The following SPRR2G variants were observed in gnomAD, a reference collection of about 807,000 sequenced individuals.
The protein encoded by SPRR2G is small proline-rich protein 2G.
SPRR2G carries 1 observed loss-of-function variant against 0.7 expected under a neutral mutation model. The observed-to-expected ratio is 1.49, with a 90% confidence interval of 0.53 to 7.06. The LOEUF (loss-of-function observed/expected upper bound fraction) is 7.06, where lower values mean the gene tolerates loss of function less well. Among genes scored for constraint, SPRR2G ranks in the 30% most tolerant of loss-of-function variants. The probability of loss-of-function intolerance (pLI) is 0.14; values close to 1 mark genes in which losing one functional copy is unlikely to be tolerated. For synonymous variants in SPRR2G, 38 were observed against 33.9 expected, an observed-to-expected ratio of 1.12 and a Z score of -0.42; for missense variants, 96 against 88.5, an observed-to-expected ratio of 1.09 and a Z score of -0.34.
At chr1:153,186,544 C>CT in the SPRR2G span, among the ~76,000 whole-genome samples, 35 of 150,888 alleles carry the variant, frequency 2.3e-4, no homozygotes, top group Admixed American at 5.3e-4. Context: ...AATCCCTGCT[C>CT]TTTTTTTTTC....
chr1:153,150,228 T>C (rs1046166971), intron 1 of SPRR2G, 97 bp from the exon 2 acceptor site: 2 of 1,508,044 alleles, frequency 1.3e-6, no homozygotes, highest in Non-Finnish European at 1.8e-6. Flanking sequence ...AGGGACCAAC[T>C]TTGATCCCTA....
upstream of SPRR2G, among the ~76,000 whole-genome samples, chr1:153,152,342 A>G (rs114151520): frequency 3.9e-3 from 594 of 152,252 alleles, 9 homozygotes; most frequent in African/African-American, 0.013. Flanking sequence ...CATAGCACCT[A>G]CAGGGTCGGC....
chr1:153,168,308 A>G, the SPRR2G span, among the ~76,000 whole-genome samples: 1 of 152,216 alleles, frequency 6.6e-6, no homozygotes, highest in Non-Finnish European at 1.5e-5. Flanking sequence ...GTTCCACTTC[A>G]GTTGTGTCTT....
the SPRR2G span, among the ~76,000 whole-genome samples, chr1:153,178,509 G>A: frequency 3.9e-4 from 60 of 152,220 alleles, no homozygotes; most frequent in Admixed American, 6.5e-4. Flanking sequence ...GTTTGCAAGA[G>A]TTTTATCCTC....
At chr1:153,188,155 G>A in the SPRR2G span, among the ~76,000 whole-genome samples, 1 of 152,172 alleles carries the variant, frequency 6.6e-6, no homozygotes, top group African/African-American at 2.4e-5. Context: ...CTCCTGGGAG[G>A]TGTCTCCCAG....
chr1:153,192,871 G>A, the SPRR2G span, among the ~76,000 whole-genome samples: 19 of 152,254 alleles, frequency 1.2e-4, no homozygotes, highest in South Asian at 3.5e-3. Flanking sequence ...TCCACTGTCC[G>A]GCCCCAAACC....
the SPRR2G span, among the ~76,000 whole-genome samples, chr1:153,185,563 T>G: frequency 6.6e-6 from 1 of 152,056 alleles, no homozygotes; most frequent in Non-Finnish European, 1.5e-5. Context: ...AGTGGTGATA[T>G]CCCCTTTATC....
the SPRR2G span, chr1:153,176,473 G>T: frequency 1.3e-5 from 2 of 152,096 alleles, no homozygotes; most frequent in African/African-American, 2.4e-5. Context: ...GATAAAACTG[G>T]TCTGGAACAC....
the SPRR2G span, among the ~76,000 whole-genome samples, chr1:153,189,635 G>A: frequency 6.6e-6 from 1 of 152,156 alleles, no homozygotes; most frequent in Non-Finnish European, 1.5e-5. Flanking sequence ...TGGCAGAGAT[G>A]AGGGAGATTG....
the SPRR2G span, among the ~76,000 whole-genome samples, chr1:153,194,091 G>C: frequency 6.6e-6 from 1 of 151,978 alleles, no homozygotes; most frequent in African/African-American, 2.4e-5. Flanking sequence ...ACCCAGGCTA[G>C]GGTAAAAAAG....
At chr1:153,174,225 C>G in the SPRR2G span, among the ~76,000 whole-genome samples, 2 of 152,164 alleles carry the variant, frequency 1.3e-5, no homozygotes, top group Non-Finnish European at 2.9e-5. Flanking sequence ...CAGGCTAATA[C>G]TGTGTAATTA....
the SPRR2G span, among the ~76,000 whole-genome samples, chr1:153,169,190 A>G: frequency 6.6e-6 from 1 of 152,064 alleles, no homozygotes; most frequent in African/African-American, 2.4e-5. Flanking sequence ...CTTGCTCTCC[A>G]ATGATTTCAA....
chr1:153,156,151 C>T, the SPRR2G span, among the ~76,000 whole-genome samples: 121 of 152,266 alleles, frequency 7.9e-4, no homozygotes, highest in African/African-American at 2.6e-3. Flanking sequence ...TCACAACAAT[C>T]TTGTGAGTTC....
the SPRR2G span, among the ~76,000 whole-genome samples, chr1:153,183,155 G>A: frequency 1.6e-3 from 234 of 145,026 alleles, no homozygotes; most frequent in African/African-American, 4.9e-3. Flanking sequence ...CACAGTTTCC[G>A]CCTCCTGGGT....
the SPRR2G span, among the ~76,000 whole-genome samples, chr1:153,162,343 C>T: frequency 0.031 from 4,695 of 152,268 alleles, 241 homozygotes; most frequent in African/African-American, 0.11. Context: ...TGACCTCATT[C>T]TGTTTTATGG....
chr1:153,196,371 G>A, the SPRR2G span, among the ~76,000 whole-genome samples: 10 of 152,148 alleles, frequency 6.6e-5, no homozygotes, highest in Admixed American at 6.5e-4. Flanking sequence ...GGCCATTTAT[G>A]TTGTTGAATA....
At chr1:153,199,131 A>G in the SPRR2G span, among the ~76,000 whole-genome samples, 1 of 152,228 alleles carries the variant, frequency 6.6e-6, no homozygotes, top group Admixed American at 6.5e-5. Flanking sequence ...ATACACAAAT[A>G]TCAAGAAAAA....
At chr1:153,155,100 T>C (rs138112099), upstream of SPRR2G, among the ~76,000 whole-genome samples, 343 of 152,326 alleles carry the variant, frequency 2.3e-3, 3 homozygotes, top group Admixed American at 7.1e-3. Flanking sequence ...GCTCATTCCA[T>C]GGATCTTACC....
chr1:153,165,242 G>C, the SPRR2G span, among the ~76,000 whole-genome samples: 1 of 151,998 alleles, frequency 6.6e-6, no homozygotes, highest in Non-Finnish European at 1.5e-5. Flanking sequence ...CAAAATATAG[G>C]TGATTCTAAA....
Sources: gnomAD v4.1 joint callset for allele counts (sites outside exome capture counted in the v4.1 genomes callset) on GRCh38, gnomAD v4.1.1 for gene constraint, MANE v1.5 for transcripts, NCBI Gene and HGNC (gene_info 2026-07-23, HGNC 2026-07-21) for gene names.